Variants in LCA5L observed in about 807,000 individuals in gnomAD.
The protein encoded by LCA5L is lebercilin LCA5 like, also known as lebercilin-like protein.
A neutral mutation model predicts 45.4 loss-of-function variants in LCA5L; 35 were observed. The ratio of observed to expected loss-of-function variants is 0.77; its 90% CI spans 0.59 to 1.02. The LOEUF is 1.02. LCA5L is among the 50% of genes least tolerant of loss of function. The pLI is 0.00. For missense variants in LCA5L, 668 were observed against 761.6 expected, an observed-to-expected ratio of 0.88 and a Z score of 1.45; for synonymous variants, 233 against 264.7, an observed-to-expected ratio of 0.88 and a Z score of 1.16.
chr21:39,439,183 G>A (rs2076570001), intron 2 of LCA5L, among the ~76,000 whole-genome samples: 1 of 151,962 alleles, frequency 6.6e-6, no homozygotes, highest in Non-Finnish European at 1.5e-5. Flanking sequence ...AGAGGGAGAA[G>A]ACACGACGCT....
rs780629947 is a variant in LCA5L at position 39,423,159 on chromosome 21, C to T, written c.654G>A (p.Gln218=). 4 of 1,613,406 alleles carry T rather than the reference C, an allele frequency of 2.5e-6. No homozygotes were observed. Among genetic ancestry groups the T allele is most frequent in the Non-Finnish European group, 3.4e-6 (4 of 1,179,894 alleles). Reference sequence around the variant, plus strand: ...TCCTAGATAGAGTTCTTTCCTTTTCCTGGGATTTCCTAAGTAGTTGCCTTA... The same window carrying T: ...TCCTAGATAGAGTTCTTTCCTTTTCTTGGGATTTCCTAAGTAGTTGCCTTA... The part of the protein sequence containing the change: ...KNLRQLLRKS[Q]EKERTLSRKL... Residue 218 remains glutamine (Q), a synonymous_variant, in exon 6 of 11, where the codon CAG becomes CAA. Coordinates refer to ENST00000288350, the MANE Select transcript of LCA5L (RefSeq NM_152505.4).
At chr21:39,419,331 C>T (rs1176871397) in intron 7 of LCA5L, among the ~76,000 whole-genome samples, 1 of 151,964 alleles carries the variant, frequency 6.6e-6, no homozygotes, top group African/African-American at 2.4e-5. Context: ...TTGAGACCAG[C>T]CTGGGCAACA....
At chr21:39,422,709 G>A (rs1165158387) in intron 6 of LCA5L, 2 of 522,974 alleles carry the variant, frequency 3.8e-6, no homozygotes, top group Admixed American at 3.7e-5. Flanking sequence ...CTTAGAGAAT[G>A]GTCATTTCCA....
At chr21:39,435,274 G>A (rs1173181170) in intron 3 of LCA5L, 146 bp downstream of exon 3, 1 of 152,202 alleles carries the variant, frequency 6.6e-6, no homozygotes, top group African/African-American at 2.4e-5. Flanking sequence ...TATCTAATTA[G>A]TGAATTAGAA....
chr21:39,423,534 GATATGCAAATATGCAC>G (rs2147742786), intron 5 of LCA5L, 44 bp from the exon 6 acceptor site: 1 of 1,480,658 alleles, frequency 6.8e-7, no homozygotes, highest in African/African-American at 1.4e-5. Context: ...AAAATATACA[GATATGCAAATATGCAC>G]ATATGCATAA....
At chr21:39,421,188 C>T (rs772386668) in intron 6 of LCA5L, among the ~76,000 whole-genome samples, 1 of 151,658 alleles carries the variant, frequency 6.6e-6, no homozygotes, top group Non-Finnish European at 1.5e-5. Context: ...CTGCAGCCTC[C>T]ACCTCCTGGG....
At chr21:39,410,500 T>C in intron 8 of LCA5L, 133 bp from the exon 9 acceptor site, 1 of 550,352 alleles carries the variant, frequency 1.8e-6, no homozygotes, top group Admixed American at 3.6e-5. Context: ...TCAATATATA[T>C]ATAAGCATTT....
At chr21:39,433,012 T>C (rs1569119440) in intron 3 of LCA5L, among the ~76,000 whole-genome samples, 2 of 152,264 alleles carry the variant, frequency 1.3e-5, no homozygotes, top group Non-Finnish European at 2.9e-5. Context: ...TTATCAGATA[T>C]ATGCTTTGCA....
intron 2 of LCA5L, among the ~76,000 whole-genome samples, chr21:39,440,673 C>G (rs1276931676): frequency 1.3e-5 from 2 of 152,206 alleles, no homozygotes; most frequent in Non-Finnish European, 2.9e-5. Context: ...AGGTTCATGT[C>G]ACCAGGGTGG....
intron 7 of LCA5L, 152 bp downstream of exon 7, chr21:39,420,554 T>C (rs1356246676): frequency 2.8e-5 from 8 of 290,200 alleles, no homozygotes; most frequent in African/African-American, 1.1e-4. Flanking sequence ...TAAACAGAAC[T>C]GTGGATGGGG....
chr21:39,408,040 A>G (rs1328476464), intron 10 of LCA5L: 1 of 152,240 alleles, frequency 6.6e-6, no homozygotes, highest in Admixed American at 6.5e-5. Context: ...TGCCTAAGGG[A>G]ACACATCTGA....
chr21:39,433,290 C>T (rs1254306570), intron 3 of LCA5L, among the ~76,000 whole-genome samples: 1 of 151,776 alleles, frequency 6.6e-6, no homozygotes, highest in Non-Finnish European at 1.5e-5. Context: ...TGGTGGCGGG[C>T]GCCTATAATC....
chr21:39,409,922 A>G lies in LCA5L; in HGVS notation c.1282+57T>C. 1.0e-6 allele frequency: 1 copy of G among 986,292 alleles called. No individual in the cohort carries two copies. Among genetic ancestry groups the G allele is most frequent in the Non-Finnish European group, 1.6e-6 (1 of 638,156 alleles). 61.1% of individuals were successfully genotyped at this position (986,292 alleles called of 1,614,324 possible). A position where few individuals can be genotyped will look rare whatever the true frequency, so the allele number is the denominator to read the frequency against. ...TTATGTGTGCTTTATATACACATATAGTAATTCACAATTTTAAAGAAATCA... is the reference window on the plus strand; with the variant it reads ...TTATGTGTGCTTTATATACACATATGGTAATTCACAATTTTAAAGAAATCA... On this transcript the variant is annotated intron_variant, in intron 10 of 10. Coordinates refer to ENST00000288350, the MANE Select transcript of LCA5L (RefSeq NM_152505.4). The surrounding 1 kb of genome is among the most constrained non-coding windows in gnomAD (Gnocchi z 4.2).
At chr21:39,430,118 A>C (rs2075529259) in intron 3 of LCA5L, among the ~76,000 whole-genome samples, 1 of 152,188 alleles carries the variant, frequency 6.6e-6, no homozygotes, top group African/African-American at 2.4e-5. Flanking sequence ...TGTAGCCCTC[A>C]TAGCCTTGCC....
chr21:39,416,092 G>C (rs2041102064), intron 7 of LCA5L, among the ~76,000 whole-genome samples: 1 of 152,114 alleles, frequency 6.6e-6, no homozygotes. Flanking sequence ...CTTCATTATT[G>C]AGTGGAATGC....
intron 2 of LCA5L, among the ~76,000 whole-genome samples, chr21:39,443,173 T>C (rs1372863353): frequency 1.3e-5 from 2 of 152,072 alleles, no homozygotes; most frequent in Admixed American, 6.6e-5. Flanking sequence ...GGCTGAGGAG[T>C]GAGAGACAAA....
chr21:39,428,753 C>T (rs897307863), intron 4 of LCA5L, among the ~76,000 whole-genome samples: 5 of 149,962 alleles, frequency 3.3e-5, no homozygotes, highest in Non-Finnish European at 7.4e-5. Context: ...GCTGGGACTA[C>T]GAGTGTGTGC....
chr21:39,439,943 AAAG>A (rs1189206821), intron 2 of LCA5L, among the ~76,000 whole-genome samples: 2 of 152,224 alleles, frequency 1.3e-5, no homozygotes, highest in African/African-American at 4.8e-5. Flanking sequence ...GGAAGGCTGG[AAAG>A]AACCCTGAAA....
At chr21:39,435,828 G>C (rs551800475) in intron 2 of LCA5L, among the ~76,000 whole-genome samples, 1 of 152,178 alleles carries the variant, frequency 6.6e-6, no homozygotes, top group Admixed American at 6.5e-5. Flanking sequence ...AGTACAGACG[G>C]GGTTTTACCA....
Sources: gnomAD v4.1 joint callset for allele counts (sites outside exome capture counted in the v4.1 genomes callset) on GRCh38, gnomAD v4.1.1 for gene constraint, Gnocchi (gnomAD v3.1) non-coding constraint, MANE v1.5 for transcripts, NCBI Gene and HGNC (gene_info 2026-07-23, HGNC 2026-07-21) for gene names.